Variants in SYNGR2 observed in about 807,000 individuals in gnomAD.
SYNGR2 encodes the protein synaptogyrin 2.
Under a neutral mutation model 18.7 loss-of-function variants are expected in SYNGR2, and 11 were observed. That is an observed-to-expected ratio of 0.59 (90% confidence interval 0.37 to 0.97). SYNGR2 has a LOEUF of 0.97. Ranked by LOEUF, SYNGR2 falls within the 50% of genes least tolerant of loss-of-function variation. The probability of loss-of-function intolerance (pLI) is 0.01; values close to 1 mark genes in which losing one functional copy is unlikely to be tolerated. For missense variants in SYNGR2, 253 were observed against 300.7 expected, an observed-to-expected ratio of 0.84 and a Z score of 1.17; for synonymous variants, 127 against 131.0, an observed-to-expected ratio of 0.97 and a Z score of 0.21.
chr17:78,168,724 G>A lies in SYNGR2; in HGVS notation c.99+9G>A. 1 of 1,196,188 alleles carries A rather than the reference G, an allele frequency of 8.4e-7. No homozygotes were observed. The highest frequency in any genetic ancestry group is 3.5e-5 in the East Asian group (1 of 28,390). The allele number at this position is 1,196,188 out of a possible 1,614,324, so 74.1% of individuals were successfully genotyped here. ...CGCGCGCCGTGTGCTTGGTGAGCCCGGGGAGGGCGGGCCGAGGGCACCCTG... is the reference window on the plus strand; with the variant it reads ...CGCGCGCCGTGTGCTTGGTGAGCCCAGGGAGGGCGGGCCGAGGGCACCCTG... On this transcript the variant is annotated intron_variant, in intron 1 of 3. Coordinates refer to ENST00000225777, the MANE Select transcript of SYNGR2 (RefSeq NM_004710.7).
chr17:78,170,822 C>T lies in SYNGR2; in HGVS notation c.105C>T (p.Phe35=), dbSNP rs762011021. 15 of 1,608,032 alleles carry T rather than the reference C, an allele frequency of 9.3e-6. No individual in the cohort carries two copies. The highest frequency in any genetic ancestry group is 1.2e-5 in the Non-Finnish European group (14 of 1,177,882). ...AGGTCCTCCCCTCCCGGCAGGTCTTCGCCTTGATCGTGTTCTCCTGCATCT... is the reference window on the plus strand; with the variant it reads ...AGGTCCTCCCCTCCCGGCAGGTCTTTGCCTTGATCGTGTTCTCCTGCATCT... ...QVVARAVCLV[F]ALIVFSCIYG... The change falls in exon 2 of 4, where the codon TTC becomes TTT. Residue 35 remains phenylalanine (F), a synonymous_variant. Coordinates refer to ENST00000225777, the MANE Select transcript of SYNGR2 (RefSeq NM_004710.7).
At position 78,172,270 on chromosome 17, in the gene SYNGR2, T is replaced by A; in HGVS notation, c.*334T>A. The A allele has an allele frequency of 1.9e-6, 1 of 526,148 alleles. No homozygotes were observed. Among genetic ancestry groups the A allele is most frequent in the African/African-American group, 1.9e-5 (1 of 52,954 alleles). 32.6% of individuals were successfully genotyped at this position (526,148 alleles called of 1,614,324 possible). On this transcript the variant is annotated 3_prime_UTR_variant, in exon 4 of 4. Transcript: ENST00000225777. ...ATGTGCTACTGACAAGTGCCTCAGC[T>A]TCCCCCCGGCCCGGGTCAGGCCGTG...
In SYNGR2 at chr17:78,171,134, C is replaced by T; in HGVS notation, c.337+80C>T. The T allele has an allele frequency of 7.2e-7, 1 of 1,390,462 alleles. No individual in the cohort carries two copies. Among genetic ancestry groups the T allele is most frequent in the Non-Finnish European group, 1.0e-6 (1 of 999,568 alleles). 86.1% of individuals were successfully genotyped at this position (1,390,462 alleles called of 1,614,324 possible). Reference sequence around the variant, plus strand: ...TCCGCAGCTGGGAGGGTCTCGGCCTCTCTGGGAGGGGCAGGGAGCAGCTCA... The same window carrying T: ...TCCGCAGCTGGGAGGGTCTCGGCCTTTCTGGGAGGGGCAGGGAGCAGCTCA... On this transcript the variant is annotated intron_variant, in intron 2 of 3. Transcript: ENST00000225777. The surrounding 1 kb of genome is among the most constrained non-coding windows in gnomAD (Gnocchi z 6.6).
rs150615406 is a variant in SYNGR2 at position 78,171,917 on chromosome 17, A to G, written c.656A>G (p.Gln219Arg). ...AACGCGGAGACCACCGAGGGCTACC[A>G]GCCGCCCCCTGTGTACTGAGCGGCG... is the stretch of plus-strand genomic sequence containing the variant. ...TQNAETTEGYQPPPVY is the reference protein window; with the variant it reads ...TQNAETTEGYRPPPVY Residue 219 changes from glutamine to arginine, a missense_variant, in exon 4 of 4, where the codon CAG (glutamine) becomes CGG (arginine). By Grantham distance (43) the Gln-to-Arg change is conservative (BLOSUM62 1). Transcript: ENST00000225777. The surrounding 1 kb of genome is among the most constrained non-coding windows in gnomAD (Gnocchi z 6.6). The G allele has an allele frequency of 1.1e-3, 1,696 of 1,613,396 alleles. 2 individuals are homozygous for G. Among genetic ancestry groups the G allele is most frequent in the Non-Finnish European group, 1.3e-3 (1,552 of 1,179,980 alleles).
In SYNGR2 at chr17:78,171,129, G is replaced by A. The variant is rs184384919; in HGVS notation, c.337+75G>A. 9.1e-4 allele frequency: 1,303 copies of A among 1,424,992 alleles called. 2 individuals are homozygous for A. Among genetic ancestry groups the A allele is most frequent in the Non-Finnish European group, 1.1e-3 (1,144 of 1,028,220 alleles). 88.3% of individuals were successfully genotyped at this position (1,424,992 alleles called of 1,614,324 possible). On this transcript the variant is annotated intron_variant, in intron 2 of 3. Transcript: ENST00000225777. This position sits in a 1 kb window ranked among gnomAD's most constrained non-coding sequence, Gnocchi z 6.6. ...AGGGTTCCGCAGCTGGGAGGGTCTCGGCCTCTCTGGGAGGGGCAGGGAGCA... is the reference window on the plus strand; with the variant it reads ...AGGGTTCCGCAGCTGGGAGGGTCTCAGCCTCTCTGGGAGGGGCAGGGAGCA...
In SYNGR2 at chr17:78,171,792, C is replaced by T. The variant is rs2075660951; in HGVS notation, c.531C>T (p.Phe177=). 1.2e-6 allele frequency: 2 copies of T among 1,614,028 alleles called. No homozygotes were observed. Among genetic ancestry groups the T allele is most frequent in the Non-Finnish European group, 1.7e-6 (2 of 1,180,010 alleles). The change falls in exon 4 of 4, where the codon TTC becomes TTT. Residue 177 remains phenylalanine (F), a synonymous_variant. Coordinates refer to ENST00000225777, the MANE Select transcript of SYNGR2 (RefSeq NM_004710.7). This position sits in a 1 kb window ranked among gnomAD's most constrained non-coding sequence, Gnocchi z 6.6. ...GCTACAAGGCTGGCGTGGACGACTT[C>T]ATCCAGAATTACGTTGACCCCACTC... ...YQRYKAGVDD[F]IQNYVDPTPD... is the part of the protein sequence containing the mutation.
In SYNGR2 at chr17:78,172,537, G is replaced by C. The variant is rs2075668204; in HGVS notation, c.*601G>C. The C allele has an allele frequency of 1.3e-5, 2 of 155,900 alleles. No individual in the cohort carries two copies. Among genetic ancestry groups the C allele is most frequent in the African/African-American group, 4.8e-5 (2 of 41,542 alleles). 9.7% of individuals were successfully genotyped at this position (155,900 alleles called of 1,614,324 possible). A position where few individuals can be genotyped will look rare whatever the true frequency, so the allele number is the denominator to read the frequency against. ...TGCTCCCACCCCTGGCAGCAGGGAA[G>C]GGCTTTGCCTGACAACACCCAGCTT... On this transcript the variant is annotated 3_prime_UTR_variant, in exon 4 of 4. Coordinates refer to ENST00000225777, the MANE Select transcript of SYNGR2 (RefSeq NM_004710.7).
In SYNGR2 at chr17:78,168,663, A is replaced by T. The variant is rs1341285289; in HGVS notation, c.47A>T (p.Asp16Val). Residue 16 changes from aspartate to valine, a missense_variant, in exon 1 of 4, where the codon GAC becomes GTC. Coordinates refer to ENST00000225777, the MANE Select transcript of SYNGR2 (RefSeq NM_004710.7). ...YGAAKAGGSF[D>V]LRRFLTQPQV... ...GCGGCCAAGGCGGGCGGCTCCTTCG[A>T]CCTGCGGCGCTTCCTGACGCAGCCG... is the stretch of plus-strand genomic sequence containing the variant. 1 of 1,204,524 alleles carries T rather than the reference A, an allele frequency of 8.3e-7. No homozygotes were observed. Among genetic ancestry groups the T allele is most frequent in the Non-Finnish European group, 1.0e-6 (1 of 970,502 alleles). The allele number at this position is 1,204,524 out of a possible 1,614,324, so 74.6% of individuals were successfully genotyped here. A position where few individuals can be genotyped will look rare whatever the true frequency, so the allele number is the denominator to read the frequency against.
rs2075658722 is a variant in SYNGR2 at position 78,171,573 on chromosome 17, A to C, written c.401A>C (p.Asn134Thr). ...CTCACCAACCAGTGGGCAGTCACCA[A>C]CCCGAAGGACGTGCTGGTGGGGGCC... is the stretch of plus-strand genomic sequence containing the variant. ...CFLTNQWAVT[N>T]PKDVLVGADS... The change falls in exon 3 of 4, where the codon AAC becomes ACC. Residue 134 changes from asparagine (N) to threonine (T), a missense_variant. Transcript: ENST00000225777. The surrounding 1 kb of genome is among the most constrained non-coding windows in gnomAD (Gnocchi z 6.6). 1.3e-6 allele frequency: 2 copies of C among 1,543,910 alleles called. No homozygotes were observed. The highest frequency in any genetic ancestry group is 1.4e-5 in the African/African-American group (1 of 72,802).
At position 78,172,092 on chromosome 17, in the gene SYNGR2, G is replaced by C; in HGVS notation, c.*156G>C. On this transcript the variant is annotated 3_prime_UTR_variant, in exon 4 of 4. Transcript: ENST00000225777. ...GAGCCTCATAGCCTGGCGGGGGCTG[G>C]CAGAGCCACACCCCAAGTGCCTGTG... is the stretch of plus-strand genomic sequence containing the variant. The C allele has an allele frequency of 1.4e-6, 2 of 1,459,924 alleles. No individual in the cohort carries two copies. Among genetic ancestry groups the C allele is most frequent in the Non-Finnish European group, 1.8e-6 (2 of 1,105,712 alleles). The allele number at this position is 1,459,924 out of a possible 1,614,324, so 90.4% of individuals were successfully genotyped here.
chr17:78,168,681 C>G lies in SYNGR2; in HGVS notation c.65C>G (p.Thr22Arg). The stretch of plus-strand genomic sequence containing the variant: ...TCCTTCGACCTGCGGCGCTTCCTGA[C>G]GCAGCCGCAGGTGGTGGCGCGCGCC... ...GGSFDLRRFLTQPQVVARAVC... is the reference protein window; with the variant it reads ...GGSFDLRRFLRQPQVVARAVC... The change falls in exon 1 of 4, where the codon ACG (threonine) becomes AGG (arginine). Residue 22 changes from threonine (T) to arginine (R), a missense_variant. Transcript: ENST00000225777. The G allele has an allele frequency of 8.3e-7, 1 of 1,203,766 alleles. No homozygotes were observed. Among genetic ancestry groups the G allele is most frequent in the Admixed American group, 4.4e-5 (1 of 22,638 alleles). The allele number at this position is 1,203,766 out of a possible 1,614,324, so 74.6% of individuals were successfully genotyped here.
In SYNGR2 at chr17:78,170,831, C is replaced by A; in HGVS notation, c.114C>A (p.Ile38=). The A allele has an allele frequency of 6.2e-7, 1 of 1,610,346 alleles. No homozygotes were observed. The highest frequency in any genetic ancestry group is 8.5e-7 in the Non-Finnish European group (1 of 1,178,850). ...ARAVCLVFAL[I]VFSCIYGEGY... is the part of the protein sequence containing the mutation. ...CCTCCCGGCAGGTCTTCGCCTTGAT[C>A]GTGTTCTCCTGCATCTATGGTGAGG... Residue 38 remains isoleucine (I), a synonymous_variant, in exon 2 of 4, where the codon ATC becomes ATA. Coordinates refer to ENST00000225777, the MANE Select transcript of SYNGR2 (RefSeq NM_004710.7).
At chr17:78,169,037 T>G (rs1598958418) in intron 1 of SYNGR2, 1 of 171,916 alleles carries the variant, frequency 5.8e-6, no homozygotes, top group Non-Finnish European at 1.2e-5. Context: ...CCCGGACAGG[T>G]GGCCCGCACG....
Position 78,171,905 on chromosome 17 carries a change from C to G in SYNGR2, c.644C>G (p.Thr215Ser). ...QPPFTQNAET[T>S]EGYQPPPVY ...CCCTTCACCCAGAACGCGGAGACCA[C>G]CGAGGGCTACCAGCCGCCCCCTGTG... is the stretch of plus-strand genomic sequence containing the variant. The change falls in exon 4 of 4, where the codon ACC becomes AGC. Residue 215 changes from threonine (T) to serine (S), a missense_variant. Thr to Ser is a moderately conservative substitution (Grantham distance 58). Transcript: ENST00000225777. The surrounding 1 kb of genome is among the most constrained non-coding windows in gnomAD (Gnocchi z 6.6). 1.9e-6 allele frequency: 3 copies of G among 1,613,820 alleles called. No individual in the cohort carries two copies. The highest frequency in any genetic ancestry group is 2.5e-6 in the Non-Finnish European group (3 of 1,180,028).
chr17:78,168,587 C>T lies in SYNGR2; in HGVS notation c.-30C>T, dbSNP rs545025503. 1.4e-5 allele frequency: 17 copies of T among 1,176,418 alleles called. No individual in the cohort carries two copies. The African/African-American group carries it at 1.9e-4, about 13-fold the overall frequency. The allele number at this position is 1,176,418 out of a possible 1,614,324, so 72.9% of individuals were successfully genotyped here. A position where few individuals can be genotyped will look rare whatever the true frequency, so the allele number is the denominator to read the frequency against. ...GCGCCGGGCAGGTTCCTCTGCGTTCCGCGGCGGCGGCAGCGGCGGCGACGG... is the reference window on the plus strand; with the variant it reads ...GCGCCGGGCAGGTTCCTCTGCGTTCTGCGGCGGCGGCAGCGGCGGCGACGG... On this transcript the variant is annotated 5_prime_UTR_variant, in exon 1 of 4. Transcript: ENST00000225777.
chr17:78,171,654 G>A lies in SYNGR2; in HGVS notation c.477+5G>A. The A allele has an allele frequency of 6.2e-7, 1 of 1,604,370 alleles. No homozygotes were observed. The highest frequency in any genetic ancestry group is 8.5e-7 in the Non-Finnish European group (1 of 1,173,026). Reference sequence around the variant, plus strand: ...TTCTTTTCCATCTTCTCCTGGGTAGGATGGCCAGGGGCCGGTTCTTGGGTC... The same window carrying A: ...TTCTTTTCCATCTTCTCCTGGGTAGAATGGCCAGGGGCCGGTTCTTGGGTC... On this transcript the variant is annotated splice_donor_5th_base_variant and intron_variant, in intron 3 of 3. Coordinates refer to ENST00000225777, the MANE Select transcript of SYNGR2 (RefSeq NM_004710.7). This position sits in a 1 kb window ranked among gnomAD's most constrained non-coding sequence, Gnocchi z 6.6.
rs896953186 is a variant in SYNGR2 at position 78,172,470 on chromosome 17, C to T, written c.*534C>T. The T allele has an allele frequency of 4.2e-5, 7 of 166,164 alleles. No homozygotes were observed. Among genetic ancestry groups the T allele is most frequent in the Non-Finnish European group, 6.5e-5 (5 of 77,350 alleles). 10.3% of individuals were successfully genotyped at this position (166,164 alleles called of 1,614,324 possible). A position where few individuals can be genotyped will look rare whatever the true frequency, so the allele number is the denominator to read the frequency against. On this transcript the variant is annotated 3_prime_UTR_variant, in exon 4 of 4. Coordinates refer to ENST00000225777, the MANE Select transcript of SYNGR2 (RefSeq NM_004710.7). ...TGCCGGTGGCCTCTGGGCTGCCTCC[C>T]GTGGTGTGAGGGCGGGGCTGGTGCT...
chr17:78,171,519 C>T lies in SYNGR2; in HGVS notation c.347C>T (p.Thr116Ile). The change falls in exon 3 of 4, where the codon ACC (threonine) becomes ATC (isoleucine). Residue 116 changes from threonine to isoleucine, a missense_variant. Transcript: ENST00000225777. The surrounding 1 kb of genome is among the most constrained non-coding windows in gnomAD (Gnocchi z 6.6). ...IGDLLFSALW[T>I]FLWFVGFCFL... is the part of the protein sequence containing the mutation. ...ACCCGTCCTCCCCCAGCTCTCTGGA[C>T]CTTCCTGTGGTTTGTTGGTTTCTGC... 1 of 1,523,548 alleles carries T rather than the reference C, an allele frequency of 6.6e-7. No individual in the cohort carries two copies. The highest frequency in any genetic ancestry group is 8.8e-7 in the Non-Finnish European group (1 of 1,136,466). 94.4% of individuals were successfully genotyped at this position (1,523,548 alleles called of 1,614,324 possible).
Position 78,172,035 on chromosome 17 carries a change from G to A in SYNGR2, c.*99G>A. On this transcript the variant is annotated 3_prime_UTR_variant, in exon 4 of 4. Coordinates refer to ENST00000225777, the MANE Select transcript of SYNGR2 (RefSeq NM_004710.7). ...AACTGCCAGCCCCTCTCTTTCACCT[G>A]TTCCATCCTGTGCAGCTGACACACA... The A allele has an allele frequency of 3.2e-6, 5 of 1,575,386 alleles. No individual in the cohort carries two copies. The highest frequency in any genetic ancestry group is 4.3e-6 in the Non-Finnish European group (5 of 1,166,538).
Sources: allele counts gnomAD v4.1 joint callset, GRCh38; gene constraint gnomAD v4.1.1; non-coding constraint Gnocchi (gnomAD v3.1); transcripts MANE v1.5; gene names NCBI Gene and HGNC (gene_info 2026-07-23, HGNC 2026-07-21).